Variants in NOL10 observed in about 807,000 individuals in gnomAD.
NOL10 encodes the protein H_NH0074G24.1.
A neutral mutation model predicts 103.5 loss-of-function variants in NOL10; 58 were observed. The observed-to-expected ratio is 0.56, with a 90% CI of 0.45 to 0.70. The LOEUF (loss-of-function observed/expected upper bound fraction) is 0.70. Ranked by LOEUF, NOL10 falls within the 30% of genes least tolerant of loss-of-function variation. The pLI, the probability that NOL10 is intolerant of heterozygous loss-of-function variation, is 0.00. For synonymous variants in NOL10, 287 were observed against 282.5 expected (o/e 1.02, Z -0.16); for missense variants, 763 against 807.3 (o/e 0.95, Z 0.67).
intron 8 of NOL10, among the ~76,000 whole-genome samples, chr2:10,663,973 T>C (rs1300519512): frequency 2.7e-5 from 4 of 149,900 alleles, no homozygotes; most frequent in Non-Finnish European, 5.9e-5. Flanking sequence ...AAATACAAAA[T>C]TAGCCAGGCA....
intron 13 of NOL10, among the ~76,000 whole-genome samples, chr2:10,623,901 G>A (rs1363170520): frequency 6.6e-6 from 1 of 152,200 alleles, no homozygotes; most frequent in Non-Finnish European, 1.5e-5. Context: ...AACACCAAAT[G>A]CTGACGAGCA....
At chr2:10,580,155 A>T (rs1344375204) in intron 19 of NOL10, among the ~76,000 whole-genome samples, 2 of 152,244 alleles carry the variant, frequency 1.3e-5, no homozygotes, top group Non-Finnish European at 2.9e-5. Flanking sequence ...CTAACCCAGC[A>T]GTTCCACAGC....
chr2:10,659,064 T>A (rs1680016202), intron 10 of NOL10, 108 bp downstream of exon 10: 1 of 781,956 alleles, frequency 1.3e-6, no homozygotes, highest in South Asian at 1.6e-5. Context: ...CTGGTCTGGC[T>A]AAAATAGTAT....
At position 10,589,036 on chromosome 2, in the gene NOL10, T is replaced by C; in HGVS notation, c.1844+7A>G. 6.2e-7 allele frequency: 1 copy of C among 1,613,616 alleles called. No individual in the cohort carries two copies. The highest frequency in any genetic ancestry group is 8.5e-7 in the Non-Finnish European group (1 of 1,179,870). ...TGTCAACTGTGCGCTCAGGCAGTGC[T>C]ACTCACTTCATCAGTTTCTGCTTTG... On this transcript the variant is annotated splice_region_variant and intron_variant, in intron 19 of 20. Coordinates refer to ENST00000381685, the MANE Select transcript of NOL10 (RefSeq NM_024894.4).
chr2:10,664,638 C>T (rs868039986), intron 8 of NOL10, among the ~76,000 whole-genome samples: 12 of 152,278 alleles, frequency 7.9e-5, no homozygotes, highest in Middle Eastern at 3.4e-3. Flanking sequence ...CTTGTAGGCT[C>T]AATCCATCCT....
chr2:10,638,330 G>GTAACGTAACGTAACGTAACGTAACGTA (rs1558311284), intron 13 of NOL10, among the ~76,000 whole-genome samples: 2 of 92,824 alleles, frequency 2.2e-5, no homozygotes, highest in African/African-American at 9.8e-5. Flanking sequence ...GACGTGACGT[G>GTAACGTAACGTAACGTAACGTAACGTA]ACGTAACGTA....
At chr2:10,583,753 G>A (rs906881760) in intron 19 of NOL10, among the ~76,000 whole-genome samples, 6 of 152,160 alleles carry the variant, frequency 3.9e-5, no homozygotes, top group Non-Finnish European at 7.3e-5. Flanking sequence ...CAGGCCTGTG[G>A]CCCTTCTAAC....
intron 9 of NOL10, among the ~76,000 whole-genome samples, chr2:10,660,976 GA>G (rs958567492): frequency 6.7e-6 from 1 of 149,936 alleles, no homozygotes; most frequent in African/African-American, 2.5e-5. Flanking sequence ...AACCAAATCA[GA>G]AAAAAAACCC....
chr2:10,599,751 T>C (rs923920434), intron 17 of NOL10, among the ~76,000 whole-genome samples: 17 of 152,130 alleles, frequency 1.1e-4, no homozygotes, highest in Admixed American at 4.6e-4. Flanking sequence ...GTCTTGAGTC[T>C]GAATCCATTT....
chr2:10,670,184 G>A (rs973534711), intron 6 of NOL10, among the ~76,000 whole-genome samples: 3 of 152,056 alleles, frequency 2.0e-5, no homozygotes, highest in Non-Finnish European at 4.4e-5. Context: ...ACTAACAGAA[G>A]CCAAAGATAT....
At chr2:10,655,231 AAAAG>A (rs1206204277) in intron 11 of NOL10, among the ~76,000 whole-genome samples, 9 of 151,686 alleles carry the variant, frequency 5.9e-5, no homozygotes, top group African/African-American at 2.2e-4. Context: ...AGAAAGGAAG[AAAAG>A]AAAGGAAGGA....
At chr2:10,654,572 G>C (rs1279722112) in intron 11 of NOL10, 25 bp from the exon 12 acceptor site, 1 of 1,511,792 alleles carries the variant, frequency 6.6e-7, no homozygotes, top group South Asian at 1.2e-5. Context: ...CAAAAACGAA[G>C]TATTAAAAGT....
Position 10,607,171 on chromosome 2 carries a change from A to AT in NOL10, c.1153+13_1153+14insA. ...AAGTAATTACATAATATTTCATCAC[A>AT]ATTTTTTTTTTACCTAAATTTTCAA... On this transcript the variant is annotated intron_variant, in intron 14 of 20. Coordinates refer to ENST00000381685, the MANE Select transcript of NOL10 (RefSeq NM_024894.4). 1 of 1,511,012 alleles carries AT rather than the reference A, an allele frequency of 6.6e-7. No individual in the cohort carries two copies. Among genetic ancestry groups the AT allele is most frequent in the South Asian group, 1.3e-5 (1 of 79,724 alleles). The allele number at this position is 1,511,012 out of a possible 1,614,324, so 93.6% of individuals were successfully genotyped here.
intron 13 of NOL10, among the ~76,000 whole-genome samples, chr2:10,626,417 A>C (rs1365779511): frequency 6.6e-6 from 1 of 152,186 alleles, no homozygotes; most frequent in Non-Finnish European, 1.5e-5. Context: ...GAGATGGTGT[A>C]AGTCCTAGAA....
chr2:10,587,110 C>CATACACATATATACAT (rs1558270217), intron 19 of NOL10, among the ~76,000 whole-genome samples: 3 of 42,172 alleles, frequency 7.1e-5, no homozygotes, highest in African/African-American at 3.9e-4. Flanking sequence ...CATATATATA[C>CATACACATATATACAT]ATATATATAC....
chr2:10,616,421 T>A (rs1676838815), intron 13 of NOL10, among the ~76,000 whole-genome samples: 1 of 152,044 alleles, frequency 6.6e-6, no homozygotes, highest in Admixed American at 6.6e-5. Flanking sequence ...GGTTTCACCA[T>A]GTTGGCCAGG....
chr2:10,585,085 G>T (rs1306719751), intron 19 of NOL10, among the ~76,000 whole-genome samples: 2 of 152,232 alleles, frequency 1.3e-5, no homozygotes, highest in African/African-American at 2.4e-5. Flanking sequence ...TCTTGAAGGA[G>T]TAACTTCTGA....
At chr2:10,624,294 T>C (rs1426357322) in intron 13 of NOL10, among the ~76,000 whole-genome samples, 1 of 152,080 alleles carries the variant, frequency 6.6e-6, no homozygotes, top group African/African-American at 2.4e-5. Context: ...CAAAGGTCTC[T>C]GGTTTTCGTC....
At chr2:10,637,941 A>C (rs1036858629) in intron 13 of NOL10, among the ~76,000 whole-genome samples, 1 of 152,068 alleles carries the variant, frequency 6.6e-6, no homozygotes, top group Non-Finnish European at 1.5e-5. Flanking sequence ...AACAGTCAAA[A>C]TATTTTAATA....
Sources: allele counts gnomAD v4.1 joint callset (sites outside exome capture counted in the v4.1 genomes callset), GRCh38; gene constraint gnomAD v4.1.1; transcripts MANE v1.5; gene names NCBI Gene and HGNC (gene_info 2026-07-23, HGNC 2026-07-21).